The following ZNF410 variants were observed in gnomAD, a reference collection of about 807,000 sequenced individuals.
ZNF410 encodes another partner for ARF 1.
ZNF410 carries 18 observed loss-of-function variants against 54.8 expected under a neutral mutation model. The observed-to-expected ratio is 0.33, with a 90% confidence interval of 0.23 to 0.49. The LOEUF (loss-of-function observed/expected upper bound fraction) is 0.49, where lower values mean the gene tolerates loss of function less well. Ranked by LOEUF, ZNF410 falls within the 20% of genes least tolerant of loss-of-function variation. ZNF410 has a pLI of 0.99. For missense variants in ZNF410, 405 were observed against 569.6 expected, an observed-to-expected ratio of 0.71 and a Z score of 2.94; for synonymous variants, 191 against 207.3, an observed-to-expected ratio of 0.92 and a Z score of 0.68.
At chr14:73,918,625 C>T (rs889032542) in intron 8 of ZNF410, among the ~76,000 whole-genome samples, 2 of 151,340 alleles carry the variant, frequency 1.3e-5, no homozygotes, top group African/African-American at 4.9e-5. Context: ...TCTCCAGCCC[C>T]TGGCAACCAT....
At chr14:73,890,215 G>A (rs2055206949) in intron 1 of ZNF410, among the ~76,000 whole-genome samples, 1 of 150,170 alleles carries the variant, frequency 6.7e-6, no homozygotes, top group Non-Finnish European at 1.5e-5. Flanking sequence ...TTGAGATGGA[G>A]TCTTGCTCTG....
intron 1 of ZNF410, among the ~76,000 whole-genome samples, chr14:73,889,431 C>CAAAAA (rs11330316): frequency 1.5e-4 from 13 of 84,982 alleles, no homozygotes; most frequent in East Asian, 3.6e-4. Context: ...GACTCAGTCT[C>CAAAAA]AAAAAAAAAA....
In ZNF410 at chr14:73,892,102, A is replaced by G. The variant is rs77953765; in HGVS notation, c.-74A>G. ...TTTCCTAGAGGAATATGAACATAAC[A>G]GGAAGGTATCATTGGCTCTGAATTA... is the stretch of plus-strand genomic sequence containing the variant. On this transcript the variant is annotated 5_prime_UTR_variant, in exon 2 of 12. Coordinates refer to ENST00000555044, the MANE Select transcript of ZNF410 (RefSeq NM_021188.3). 2,682 of 1,460,686 alleles carry G rather than the reference A, an allele frequency of 1.8e-3. 53 individuals are homozygous for G. In the African/African-American group the frequency reaches 0.034, roughly 18 times the overall value. The allele number at this position is 1,460,686 out of a possible 1,614,324, so 90.5% of individuals were successfully genotyped here. A position where few individuals can be genotyped will look rare whatever the true frequency, so the allele number is the denominator to read the frequency against.
chr14:73,907,199 T>C (rs1283955273), intron 7 of ZNF410, among the ~76,000 whole-genome samples: 2 of 152,210 alleles, frequency 1.3e-5, no homozygotes, highest in Non-Finnish European at 2.9e-5. Flanking sequence ...AATTCTGATA[T>C]GACCCCAAAG....
chr14:73,906,439 C>T (rs1016668771), intron 7 of ZNF410: 3 of 152,142 alleles, frequency 2.0e-5, no homozygotes, highest in Non-Finnish European at 4.4e-5. Context: ...ATTGTTGTAG[C>T]ATTTGATACC....
intron 5 of ZNF410, among the ~76,000 whole-genome samples, chr14:73,901,072 A>G (rs2055398703): frequency 6.6e-6 from 1 of 152,232 alleles, no homozygotes; most frequent in Admixed American, 6.5e-5. Context: ...TTTTCAGAGC[A>G]TGTTATCTTC....
chr14:73,923,657 T>A (rs1001077634), intron 11 of ZNF410, 135 bp downstream of exon 11: 4 of 1,206,544 alleles, frequency 3.3e-6, no homozygotes, highest in Non-Finnish European at 4.6e-6. Flanking sequence ...AAATTAAGCA[T>A]GAGTTCAGCT....
chr14:73,895,858 C>A (rs902875600), intron 3 of ZNF410, among the ~76,000 whole-genome samples: 1 of 152,114 alleles, frequency 6.6e-6, no homozygotes, highest in Non-Finnish European at 1.5e-5. Flanking sequence ...TGAGATACAA[C>A]CATAGGTAAA....
chr14:73,929,531 A>C (rs900694310), intron 11 of ZNF410, among the ~76,000 whole-genome samples: 1 of 152,192 alleles, frequency 6.6e-6, no homozygotes, highest in African/African-American at 2.4e-5. Context: ...CAAGAATATC[A>C]GAGAACAACC....
chr14:73,912,848 A>C (rs758715426), intron 8 of ZNF410, among the ~76,000 whole-genome samples: 5 of 151,766 alleles, frequency 3.3e-5, no homozygotes, highest in Non-Finnish European at 7.4e-5. Flanking sequence ...AACCTTGGTA[A>C]ATGCTTGAGT....
chr14:73,906,624 T>G (rs747472187), intron 7 of ZNF410, among the ~76,000 whole-genome samples: 2 of 152,134 alleles, frequency 1.3e-5, no homozygotes, highest in Non-Finnish European at 2.9e-5. Flanking sequence ...GGATTACAGG[T>G]GTGCACCACC....
intron 2 of ZNF410, 126 bp downstream of exon 2, chr14:73,892,334 C>G (rs905288949): frequency 9.2e-6 from 8 of 866,298 alleles, no homozygotes; most frequent in Non-Finnish European, 1.4e-5. Context: ...GTTTTTTAAG[C>G]TATATGGTTT....
chr14:73,893,195 C>G (rs928440416), intron 2 of ZNF410: 1 of 151,904 alleles, frequency 6.6e-6, no homozygotes, highest in African/African-American at 2.4e-5. Context: ...TTTTTTTAAG[C>G]CATTATTTTA....
At position 73,899,591 on chromosome 14, in the gene ZNF410, C is replaced by T. The variant is rs74345002; in HGVS notation, c.580+1329C>T. ...TCCTCTTACATTGAAGAAATAGTGT[C>T]ATATTTGCCAATGAGAAGCAGCGTA... On this transcript the variant is annotated intron_variant, in intron 5 of 11. Transcript: ENST00000555044. Among the ~76,000 whole-genome samples the T allele has an allele frequency of 8.5e-3, 1,289 of 152,230 alleles. 9 individuals are homozygous for T. The highest frequency in any genetic ancestry group is 0.03 in the African/African-American group (1,231 of 41,528).
intron 5 of ZNF410, among the ~76,000 whole-genome samples, chr14:73,901,529 T>A (rs901245908): frequency 6.6e-6 from 1 of 152,104 alleles, no homozygotes; most frequent in Non-Finnish European, 1.5e-5. Flanking sequence ...CCTTGCCTTA[T>A]TCTATGTATT....
At chr14:73,912,326 C>T (rs185269984) in intron 8 of ZNF410, among the ~76,000 whole-genome samples, 13 of 152,136 alleles carry the variant, frequency 8.5e-5, no homozygotes, top group Non-Finnish European at 1.5e-4. Flanking sequence ...CGTGCCACCA[C>T]GCCCGACTAA....
intron 11 of ZNF410, among the ~76,000 whole-genome samples, chr14:73,930,326 T>TA (rs1051285342): frequency 1.3e-5 from 2 of 152,082 alleles, no homozygotes; most frequent in Admixed American, 6.5e-5. Context: ...ATTAAACTCT[T>TA]AAAAAAAAGT....
chr14:73,890,038 G>A lies in ZNF410; in HGVS notation c.-149-1989G>A, dbSNP rs539431039. ...TCTCAATCTCCTGACCTTGTGTTCCGCCTGCCTCGGCCTCCCAAAATGCTG... is the reference window on the plus strand; with the variant it reads ...TCTCAATCTCCTGACCTTGTGTTCCACCTGCCTCGGCCTCCCAAAATGCTG... On this transcript the variant is annotated intron_variant, in intron 1 of 11. Coordinates refer to ENST00000555044, the MANE Select transcript of ZNF410 (RefSeq NM_021188.3). Among the ~76,000 whole-genome samples the A allele has an allele frequency of 1.5e-4, 23 of 152,036 alleles. No homozygotes were observed. In the East Asian group the frequency reaches 3.5e-3, roughly 23 times the overall value.
At chr14:73,922,362 AATCT>A in intron 10 of ZNF410, 156 bp downstream of exon 10, 2 of 743,692 alleles carry the variant, frequency 2.7e-6, no homozygotes, top group Non-Finnish European at 3.8e-6. Context: ...TGGATTAGTC[AATCT>A]GTTTAAAAAA....
Sources: allele counts gnomAD v4.1 joint callset (sites outside exome capture counted in the v4.1 genomes callset), GRCh38; gene constraint gnomAD v4.1.1; transcripts MANE v1.5; gene names NCBI Gene and HGNC (gene_info 2026-07-23, HGNC 2026-07-21).